The following ANGPT1 variants were observed in gnomAD, a reference collection of about 807,000 sequenced individuals.
The protein encoded by ANGPT1 is angiopoietin 1.
A neutral mutation model predicts 62.2 loss-of-function variants in ANGPT1; 17 were observed. That is an observed-to-expected ratio of 0.27 (90% CI 0.19 to 0.41). The LOEUF (loss-of-function observed/expected upper bound fraction) is 0.41, where lower values mean the gene tolerates loss of function less well. Ranked by LOEUF, ANGPT1 falls within the 10% of genes least tolerant of loss-of-function variation. ANGPT1 has a pLI of 1.00. For missense variants in ANGPT1, 478 were observed against 594.9 expected, an observed-to-expected ratio of 0.80 and a Z score of 2.04; for synonymous variants, 199 against 198.9, an observed-to-expected ratio of 1.00 and a Z score of 0.00.
intron 8 of ANGPT1, among the ~76,000 whole-genome samples, chr8:107,257,914 A>ATTTTTTTTTTTTTT (rs1813404330): frequency 2.2e-5 from 1 of 45,974 alleles, no homozygotes; most frequent in Non-Finnish European, 5.0e-5. Flanking sequence ...TTTGTTTTTG[A>ATTTTTTTTTTTTTT]CTGTTCTTTC....
intron 4 of ANGPT1, among the ~76,000 whole-genome samples, chr8:107,308,038 T>G (rs1814762044): frequency 6.6e-6 from 1 of 152,144 alleles, no homozygotes; most frequent in Non-Finnish European, 1.5e-5. Flanking sequence ...GCTTTTCCAT[T>G]TGTCCCTCTG....
At chr8:107,397,530 C>G (rs780625061) in intron 1 of ANGPT1, among the ~76,000 whole-genome samples, 5 of 151,928 alleles carry the variant, frequency 3.3e-5, no homozygotes, top group Non-Finnish European at 5.9e-5. Flanking sequence ...GTTTCATGAA[C>G]AGAACTTTGT....
chr8:107,315,635 TCG>T (rs1814996030), intron 4 of ANGPT1, among the ~76,000 whole-genome samples: 1 of 152,166 alleles, frequency 6.6e-6, no homozygotes, highest in Non-Finnish European at 1.5e-5. Flanking sequence ...TATTTTTCTT[TCG>T]GTCTCTTTTT....
At chr8:107,429,666 AAAAG>A (rs1811127996) in intron 1 of ANGPT1, among the ~76,000 whole-genome samples, 1 of 148,144 alleles carries the variant, frequency 6.8e-6, no homozygotes, top group African/African-American at 2.6e-5. Flanking sequence ...AAAAAAAAAA[AAAAG>A]TCGACTCTGC....
At chr8:107,274,789 CA>C (rs1199186820) in intron 7 of ANGPT1, among the ~76,000 whole-genome samples, 1 of 151,938 alleles carries the variant, frequency 6.6e-6, no homozygotes, top group Admixed American at 6.6e-5. Flanking sequence ...GTTGAATGCA[CA>C]AAAAAACCTT....
chr8:107,422,728 T>C (rs1810923548), intron 1 of ANGPT1, among the ~76,000 whole-genome samples: 1 of 152,178 alleles, frequency 6.6e-6, no homozygotes, highest in Non-Finnish European at 1.5e-5. Context: ...TCCTTAGCAT[T>C]CAGTCTCATT....
At chr8:107,481,593 T>G (rs938932824) in intron 1 of ANGPT1, among the ~76,000 whole-genome samples, 6 of 149,366 alleles carry the variant, frequency 4.0e-5, no homozygotes, top group Admixed American at 2.7e-4. Flanking sequence ...GGTACTATAT[T>G]AGTCCAATCT....
At chr8:107,373,706 T>C (rs1816464667) in intron 1 of ANGPT1, among the ~76,000 whole-genome samples, 1 of 152,236 alleles carries the variant, frequency 6.6e-6, no homozygotes, top group East Asian at 1.9e-4. Context: ...TCTGATGAAC[T>C]GAAAGATTTA....
intron 7 of ANGPT1, among the ~76,000 whole-genome samples, chr8:107,273,792 T>C (rs1813796069): frequency 6.6e-6 from 1 of 151,952 alleles, no homozygotes; most frequent in African/African-American, 2.4e-5. Flanking sequence ...TATTTTTTTT[T>C]AAGTAACCAA....
Position 107,336,140 on chromosome 8 carries a change from C to A in ANGPT1, c.575+10G>T, listed in dbSNP as rs1480819818. ...ACACAGAAACATTTTTGGAATAAAG[C>A]AATCCTCACCTGTTTTTTTCATGGA... On this transcript the variant is annotated intron_variant, in intron 3 of 8. Transcript: ENST00000517746. The A allele has an allele frequency of 6.3e-7, 1 of 1,591,774 alleles. No homozygotes were observed.
At chr8:107,267,630 A>G (rs1813644562) in intron 7 of ANGPT1, among the ~76,000 whole-genome samples, 1 of 152,098 alleles carries the variant, frequency 6.6e-6, no homozygotes, top group Admixed American at 6.6e-5. Context: ...AAGTCCATGC[A>G]GCTCATTCAA....
chr8:107,349,423 G>T (rs956012594), intron 1 of ANGPT1, among the ~76,000 whole-genome samples: 1 of 152,018 alleles, frequency 6.6e-6, no homozygotes, highest in African/African-American at 2.4e-5. Flanking sequence ...AAATTTCAGG[G>T]AGGAAAACGT....
chr8:107,367,200 G>A (rs1040963541), intron 1 of ANGPT1, among the ~76,000 whole-genome samples: 1 of 152,114 alleles, frequency 6.6e-6, no homozygotes, highest in Non-Finnish European at 1.5e-5. Context: ...GTGCAATAAA[G>A]CAACTCATAC....
At chr8:107,376,635 T>C (rs1426806319) in intron 1 of ANGPT1, among the ~76,000 whole-genome samples, 7 of 152,068 alleles carry the variant, frequency 4.6e-5, no homozygotes, top group African/African-American at 1.7e-4. Flanking sequence ...CTTTGGAAAG[T>C]GGTGAGAGAT....
At chr8:107,434,694 T>C (rs1188789934) in intron 1 of ANGPT1, among the ~76,000 whole-genome samples, 1 of 152,216 alleles carries the variant, frequency 6.6e-6, no homozygotes, top group Admixed American at 6.5e-5. Flanking sequence ...CAATGATTTG[T>C]AATTAGTGGA....
chr8:107,434,687 T>C (rs1287305997), intron 1 of ANGPT1, among the ~76,000 whole-genome samples: 1 of 152,196 alleles, frequency 6.6e-6, no homozygotes, highest in African/African-American at 2.4e-5. Flanking sequence ...TACATGGCAA[T>C]GATTTGTAAT....
At chr8:107,422,287 T>A (rs932975826) in intron 1 of ANGPT1, among the ~76,000 whole-genome samples, 1 of 152,114 alleles carries the variant, frequency 6.6e-6, no homozygotes, top group Non-Finnish European at 1.5e-5. Flanking sequence ...GAAAGAGGTA[T>A]CACGGTTCTG....
intron 1 of ANGPT1, among the ~76,000 whole-genome samples, chr8:107,439,792 C>A (rs1811424942): frequency 6.6e-6 from 1 of 152,006 alleles, no homozygotes; most frequent in Non-Finnish European, 1.5e-5. Flanking sequence ...AATAAGGAAA[C>A]AATACAAGCA....
chr8:107,254,786 A>G (rs1047859606), intron 8 of ANGPT1, among the ~76,000 whole-genome samples: 23 of 152,142 alleles, frequency 1.5e-4, no homozygotes, highest in Non-Finnish European at 2.1e-4. Context: ...GAGAAGTTCA[A>G]TGTTTATGGA....
Sources: gnomAD v4.1 joint callset for allele counts (sites outside exome capture counted in the v4.1 genomes callset) on GRCh38, gnomAD v4.1.1 for gene constraint, MANE v1.5 for transcripts, NCBI Gene and HGNC (gene_info 2026-07-23, HGNC 2026-07-21) for gene names.